The following PRKCZ variants were observed in gnomAD, a reference collection of about 807,000 sequenced individuals.
The protein encoded by PRKCZ is protein kinase C zeta.
PRKCZ carries 33 observed loss-of-function variants against 79.5 expected under a neutral mutation model. That is an observed-to-expected ratio of 0.41 (90% CI 0.31 to 0.55). The LOEUF is 0.55. PRKCZ is among the 20% of genes least tolerant of loss of function. The pLI, the probability that PRKCZ is intolerant of heterozygous loss-of-function variation, is 0.19. For synonymous variants in PRKCZ, 342 were observed against 320.9 expected, an observed-to-expected ratio of 1.07 and a Z score of -0.70; for missense variants, 578 against 813.5, an observed-to-expected ratio of 0.71 and a Z score of 3.52.
At chr1:2,144,393 G>A (rs557278397) in intron 6 of PRKCZ, 52 bp downstream of exon 6, 3 of 1,540,680 alleles carry the variant, frequency 1.9e-6, no homozygotes, top group South Asian at 2.4e-5. Context: ...GTCGGGGCGT[G>A]GCAGCCAGCC....
At chr1:2,135,220 C>T in intron 4 of PRKCZ, 42 bp from the exon 5 acceptor site, 1 of 1,552,294 alleles carries the variant, frequency 6.4e-7, no homozygotes, top group South Asian at 1.1e-5. Flanking sequence ...GGGCTCGTGG[C>T]TGCCACGCTG....
At chr1:2,069,683 G>A (rs947203200) in intron 4 of PRKCZ, among the ~76,000 whole-genome samples, 1 of 152,162 alleles carries the variant, frequency 6.6e-6, no homozygotes, top group Non-Finnish European at 1.5e-5. Context: ...GGCAGTAAGC[G>A]AGGGACCTCC....
intron 4 of PRKCZ, among the ~76,000 whole-genome samples, chr1:2,124,384 CACGGCG>C (rs1673433040): frequency 1.5e-5 from 2 of 129,798 alleles, no homozygotes; most frequent in African/African-American, 3.1e-5. Flanking sequence ...CGGTTAGGGT[CACGGCG>C]GTGGTTAGGG....
chr1:2,110,292 G>T lies in PRKCZ; in HGVS notation c.335-24970G>T, dbSNP rs550902897. On this transcript the variant is annotated intron_variant, in intron 4 of 17. Coordinates refer to ENST00000378567, the MANE Select transcript of PRKCZ (RefSeq NM_002744.6). ...GGATCCCAGAGGTGAGAAACAGAAC[G>T]GCCAGGGCTGAATCTGCCTCCAGCG... is the stretch of plus-strand genomic sequence containing the variant. 5.9e-5 allele frequency among the ~76,000 whole-genome samples: 9 copies of T among 152,326 alleles called. No individual in the cohort carries two copies. In the South Asian group the frequency reaches 6.2e-4, roughly 11 times the overall value.
chr1:2,169,674 G>C (rs1684043123), intron 11 of PRKCZ, 70 bp downstream of exon 11: 1 of 1,256,412 alleles, frequency 8.0e-7, no homozygotes, highest in Non-Finnish European at 1.1e-6. Context: ...TGCGGTGTTG[G>C]GGGGCTGGGT....
intron 4 of PRKCZ, chr1:2,071,395 CG>C: frequency 4.6e-6 from 2 of 430,674 alleles, no homozygotes; most frequent in South Asian, 1.7e-5. Flanking sequence ...GCTGCGCGAC[CG>C]CCTGTGGAAC....
Position 2,174,701 on chromosome 1 carries a change from T to C in PRKCZ, c.1406-53T>C. On this transcript the variant is annotated intron_variant, in intron 14 of 17. Coordinates refer to ENST00000378567, the MANE Select transcript of PRKCZ (RefSeq NM_002744.6). The surrounding 1 kb of genome is among the most constrained non-coding windows in gnomAD (Gnocchi z 6.2). ...CTCAGAGTCAGAGTCTGGGCGGCACTGGGCAAATGGCACACAACACAGGCA... is the reference window on the plus strand; with the variant it reads ...CTCAGAGTCAGAGTCTGGGCGGCACCGGGCAAATGGCACACAACACAGGCA... 6.3e-7 allele frequency: 1 copy of C among 1,578,674 alleles called. No homozygotes were observed. Among genetic ancestry groups the C allele is most frequent in the South Asian group, 1.1e-5 (1 of 90,064 alleles).
intron 3 of PRKCZ, among the ~76,000 whole-genome samples, chr1:2,058,769 A>G (rs1050991181): frequency 6.6e-6 from 1 of 151,978 alleles, no homozygotes; most frequent in East Asian, 1.9e-4. Context: ...GGTGGTGTAC[A>G]CTTGTAATCC....
chr1:2,061,093 C>T (rs190486780), intron 4 of PRKCZ, among the ~76,000 whole-genome samples: 2 of 152,314 alleles, frequency 1.3e-5, no homozygotes, highest in Admixed American at 6.5e-5. Flanking sequence ...GGAGGGGACC[C>T]ACGGGCCGTG....
intron 6 of PRKCZ, 60 bp downstream of exon 6, chr1:2,144,401 G>GC: frequency 2.0e-6 from 3 of 1,535,550 alleles, no homozygotes; most frequent in Non-Finnish European, 2.6e-6. Flanking sequence ...GTGGCAGCCA[G>GC]CCCATTGTCC....
chr1:2,138,081 C>T (rs1206463477), intron 5 of PRKCZ, among the ~76,000 whole-genome samples: 1 of 152,198 alleles, frequency 6.6e-6, no homozygotes, highest in Non-Finnish European at 1.5e-5. Context: ...CCATGTAGTG[C>T]TCACTTCATG....
Position 2,146,023 on chromosome 1 carries a change from G to C in PRKCZ, c.553-4G>C, listed in dbSNP as rs1468324073. 1.9e-6 allele frequency: 3 copies of C among 1,611,176 alleles called. No individual in the cohort carries two copies. Among genetic ancestry groups the C allele is most frequent in the East Asian group, 2.2e-5 (1 of 44,874 alleles). On this transcript the variant is annotated splice_region_variant and splice_polypyrimidine_tract_variant and intron_variant, in intron 6 of 17. Transcript: ENST00000378567. Reference sequence around the variant, plus strand: ...ATGCTGCCATCTCTGTGTCTCTCCGGCAGGATTCTGTCATGCCTTCCCAAG... The same window carrying C: ...ATGCTGCCATCTCTGTGTCTCTCCGCCAGGATTCTGTCATGCCTTCCCAAG...
At chr1:2,111,366 A>C (rs1442980867) in intron 4 of PRKCZ, among the ~76,000 whole-genome samples, 1 of 151,892 alleles carries the variant, frequency 6.6e-6, no homozygotes, top group Non-Finnish European at 1.5e-5. Context: ...GGGGTGCAAC[A>C]TGGAGGCCTG....
chr1:2,069,123 C>T (rs999091651), intron 4 of PRKCZ, among the ~76,000 whole-genome samples: 1 of 152,230 alleles, frequency 6.6e-6, no homozygotes, highest in Non-Finnish European at 1.5e-5. Flanking sequence ...CTTAGTGTTC[C>T]AGCAACACCC....
At position 2,114,312 on chromosome 1, in the gene PRKCZ, G is replaced by C. The variant is rs373895704; in HGVS notation, c.335-20950G>C. On this transcript the variant is annotated intron_variant, in intron 4 of 17. Coordinates refer to ENST00000378567, the MANE Select transcript of PRKCZ (RefSeq NM_002744.6). Reference sequence around the variant, plus strand: ...GTGTCCAATGAGGGAAGGAACATTTGAAACAGAAGAGATGACTTATTTTGT... The same window carrying C: ...GTGTCCAATGAGGGAAGGAACATTTCAAACAGAAGAGATGACTTATTTTGT... Among the ~76,000 whole-genome samples the C allele has an allele frequency of 6.0e-3, 915 of 152,326 alleles. 17 individuals are homozygous for C. Among genetic ancestry groups the C allele is most frequent in the African/African-American group, 0.02 (851 of 41,568 alleles).
At position 2,174,870 on chromosome 1, in the gene PRKCZ, G is replaced by T. The variant is rs1449905333; in HGVS notation, c.1485+37G>T. On this transcript the variant is annotated intron_variant, in intron 15 of 17. Transcript: ENST00000378567. This position sits in a 1 kb window ranked among gnomAD's most constrained non-coding sequence, Gnocchi z 6.2. ...GCCATGCTGACAAAATCTCGTTTGT[G>T]GCCTCGGTGTTGGTGGGCAGAGGGC... The T allele has an allele frequency of 6.3e-7, 1 of 1,599,508 alleles. No homozygotes were observed. Among genetic ancestry groups the T allele is most frequent in the Non-Finnish European group, 8.6e-7 (1 of 1,167,028 alleles).
In PRKCZ at chr1:2,172,165, A is replaced by G; in HGVS notation, c.1172A>G (p.Lys391Arg). The change falls in exon 12 of 18, where the codon AAG (lysine) becomes AGG (arginine). Residue 391 changes from lysine (K) to arginine (R), a missense_variant. Transcript: ENST00000378567. This position sits in a 1 kb window ranked among gnomAD's most constrained non-coding sequence, Gnocchi z 7.8. ...NVLLDADGHI[K>R]LTDYGMCKEG... Reference sequence around the variant, plus strand: ...CTCCTGGATGCGGACGGGCACATCAAGCTCACAGACTACGGCATGTGCAAG... The same window carrying G: ...CTCCTGGATGCGGACGGGCACATCAGGCTCACAGACTACGGCATGTGCAAG... The G allele has an allele frequency of 6.2e-7, 1 of 1,613,358 alleles. No homozygotes were observed. Among genetic ancestry groups the G allele is most frequent in the South Asian group, 1.1e-5 (1 of 91,078 alleles).
At chr1:2,096,685 G>A (rs1289989949) in intron 4 of PRKCZ, among the ~76,000 whole-genome samples, 2 of 152,150 alleles carry the variant, frequency 1.3e-5, no homozygotes, top group African/African-American at 4.8e-5. Context: ...GCAGCAAGGC[G>A]GTGAATGTGG....
At chr1:2,141,017 G>A (rs545199949) in intron 5 of PRKCZ, 177 of 152,370 alleles carry the variant, frequency 1.2e-3, no homozygotes, top group African/African-American at 3.4e-3. Flanking sequence ...CATGTAAGAC[G>A]TACTTAAAAC....
Sources: gnomAD v4.1 joint callset for allele counts (sites outside exome capture counted in the v4.1 genomes callset) on GRCh38, gnomAD v4.1.1 for gene constraint, Gnocchi (gnomAD v3.1) non-coding constraint, MANE v1.5 for transcripts, NCBI Gene and HGNC (gene_info 2026-07-23, HGNC 2026-07-21) for gene names.